PRKAR1B: variants seen among roughly 807,000 people sequenced by gnomAD.
PRKAR1B encodes protein kinase cAMP-dependent type I regulatory subunit beta, also known as cAMP-dependent protein kinase type I-beta regulatory subunit.
A neutral mutation model predicts 46.5 loss-of-function variants in PRKAR1B; 22 were observed. That is an observed-to-expected ratio of 0.47 (90% CI 0.34 to 0.68). PRKAR1B has a LOEUF of 0.68. PRKAR1B is among the 30% of genes least tolerant of loss of function. The pLI, the probability that PRKAR1B is intolerant of heterozygous loss-of-function variation, is 0.01. For missense variants in PRKAR1B, 445 were observed against 535.6 expected (o/e 0.83, Z 1.67); for synonymous variants, 259 against 217.7 (o/e 1.19, Z -1.67).
chr7:646,581 G>C (rs914855034), intron 4 of PRKAR1B, among the ~76,000 whole-genome samples: 1 of 152,190 alleles, frequency 6.6e-6, no homozygotes, highest in Non-Finnish European at 1.5e-5. Context: ...ATGGGGCTGC[G>C]TGCAGAATCA....
intron 4 of PRKAR1B, among the ~76,000 whole-genome samples, chr7:669,584 T>C (rs138254387): frequency 0.066 from 10,052 of 151,834 alleles, 1,112 homozygotes; most frequent in African/African-American, 0.23. Context: ...GCCAACATGC[T>C]GAAACCCCAT....
chr7:660,779 GT>G (rs1170685156), intron 4 of PRKAR1B, among the ~76,000 whole-genome samples: 8 of 96,008 alleles, frequency 8.3e-5, no homozygotes, highest in African/African-American at 3.6e-4. Context: ...CATAGCACAG[GT>G]CCCCACCCCA....
intron 9 of PRKAR1B, among the ~76,000 whole-genome samples, chr7:562,485 C>A (rs2128426711): frequency 6.6e-6 from 1 of 152,338 alleles, no homozygotes; most frequent in East Asian, 1.9e-4. Flanking sequence ...ACCTCCCAAC[C>A]AGGGGTCACC....
In PRKAR1B at chr7:586,565, TC is replaced by T. The variant is rs559621840; in HGVS notation, c.709-1998del. 9.4e-4 allele frequency among the ~76,000 whole-genome samples: 143 copies of T among 151,862 alleles called. 1 individual carries two copies. The highest frequency in any genetic ancestry group is 4.5e-3 in the Admixed American group (68 of 15,240). On this transcript the variant is annotated intron_variant, in intron 7 of 10. Transcript: ENST00000537384. ...TCCTCTGCCCCATAAGACCTTCTGA[TC>T]CCCCCAGCCCGAGGAGGGTTCCAGG...
chr7:639,553 G>A (rs1784283579), intron 4 of PRKAR1B, among the ~76,000 whole-genome samples: 2 of 152,128 alleles, frequency 1.3e-5, no homozygotes, highest in African/African-American at 4.8e-5. Flanking sequence ...AAGCATAATT[G>A]AAAAAAGATA....
chr7:599,092 C>T (rs1345858666), intron 6 of PRKAR1B, among the ~76,000 whole-genome samples: 2 of 152,186 alleles, frequency 1.3e-5, no homozygotes, highest in Admixed American at 6.5e-5. Context: ...CCCAAGGCCT[C>T]CGAGAGCTCC....
At chr7:669,338 G>T (rs949519768) in intron 4 of PRKAR1B, among the ~76,000 whole-genome samples, 1 of 152,214 alleles carries the variant, frequency 6.6e-6, no homozygotes, top group African/African-American at 2.4e-5. Flanking sequence ...GGCCCAGGAG[G>T]GGGTGATAGG....
Position 584,588 on chromosome 7 carries a change from A to G in PRKAR1B, c.709-20T>C. On this transcript the variant is annotated intron_variant, in intron 7 of 10. Coordinates refer to ENST00000537384, the MANE Select transcript of PRKAR1B (RefSeq NM_001164760.2). ...GCTGCCCTGTTCGGGAGAAAGTAAA[A>G]AACAGACAAGAAGGTGAATCTTCAT... The G allele has an allele frequency of 1.2e-6, 2 of 1,605,412 alleles. No homozygotes were observed. The highest frequency in any genetic ancestry group is 8.5e-7 in the Non-Finnish European group (1 of 1,173,384).
chr7:662,239 C>T (rs1175723437), intron 4 of PRKAR1B, among the ~76,000 whole-genome samples: 3 of 94,264 alleles, frequency 3.2e-5, no homozygotes, highest in African/African-American at 4.4e-5. Flanking sequence ...TACCTACTCT[C>T]CCCCACATGG....
chr7:685,367 CATATATATAT>C (rs10586227), intron 2 of PRKAR1B, among the ~76,000 whole-genome samples: 1 of 30,242 alleles, frequency 3.3e-5, no homozygotes, highest in Non-Finnish European at 5.8e-5. Context: ...TATATATACA[CATATATATAT>C]ATACATACAT....
chr7:579,459 C>T (rs2128442761), intron 8 of PRKAR1B, 82 bp from the exon 9 acceptor site: 2 of 1,562,572 alleles, frequency 1.3e-6, no homozygotes, highest in Non-Finnish European at 1.7e-6. Flanking sequence ...ACCGCTCTTC[C>T]CGAAAGGTGT....
intron 7 of PRKAR1B, among the ~76,000 whole-genome samples, chr7:585,018 C>T (rs1780517592): frequency 6.6e-6 from 1 of 152,152 alleles, no homozygotes; most frequent in East Asian, 1.9e-4. Flanking sequence ...CTGGATCCAG[C>T]CGTGCCTGAA....
chr7:606,318 C>G (rs1349701058), intron 5 of PRKAR1B, 79 bp from the exon 6 acceptor site: 6 of 1,384,658 alleles, frequency 4.3e-6, no homozygotes, highest in South Asian at 2.4e-5. Context: ...AAACGACTTT[C>G]GCAACACTGT....
At chr7:591,790 C>T (rs1368625465) in intron 7 of PRKAR1B, among the ~76,000 whole-genome samples, 2 of 152,204 alleles carry the variant, frequency 1.3e-5, no homozygotes, top group African/African-American at 4.8e-5. Flanking sequence ...CTGACCCTCC[C>T]CACAATGGCC....
chr7:553,319 G>A lies in PRKAR1B; in HGVS notation c.892-1849C>T, dbSNP rs541532635. On this transcript the variant is annotated intron_variant, in intron 9 of 10. Coordinates refer to ENST00000537384, the MANE Select transcript of PRKAR1B (RefSeq NM_001164760.2). ...TGTAGCTCTGTCGCCGGCCCTGCACGCCGCCGGCCTCAGACACTCCCCGAA... is the reference window on the plus strand; with the variant it reads ...TGTAGCTCTGTCGCCGGCCCTGCACACCGCCGGCCTCAGACACTCCCCGAA... Among the ~76,000 whole-genome samples the A allele has an allele frequency of 2.5e-3, 386 of 152,294 alleles. 2 individuals carry two copies. The highest frequency in any genetic ancestry group is 8.8e-3 in the African/African-American group (364 of 41,570).
chr7:592,908 C>T (rs771318264), intron 7 of PRKAR1B, among the ~76,000 whole-genome samples: 19 of 152,138 alleles, frequency 1.2e-4, no homozygotes, highest in Non-Finnish European at 2.5e-4. Flanking sequence ...CGGTAGCACA[C>T]GCCTGTAGTC....
intron 8 of PRKAR1B, among the ~76,000 whole-genome samples, chr7:580,126 G>A (rs1449108957): frequency 1.3e-5 from 2 of 151,632 alleles, no homozygotes; most frequent in Admixed American, 1.3e-4. Flanking sequence ...AGCTCCTCAG[G>A]AGGATGAGGC....
chr7:595,484 G>A (rs1251904011), intron 7 of PRKAR1B, among the ~76,000 whole-genome samples: 1 of 152,194 alleles, frequency 6.6e-6, no homozygotes, highest in Non-Finnish European at 1.5e-5. Flanking sequence ...CCAGAACAGG[G>A]CCTGGCAGGT....
At chr7:652,579 C>G (rs1784969862) in intron 4 of PRKAR1B, among the ~76,000 whole-genome samples, 1 of 152,248 alleles carries the variant, frequency 6.6e-6, no homozygotes, top group Non-Finnish European at 1.5e-5. Flanking sequence ...GGGGAAACCC[C>G]TCTTGGAAGA....
Sources: gnomAD v4.1 joint callset for allele counts (sites outside exome capture counted in the v4.1 genomes callset) on GRCh38, gnomAD v4.1.1 for gene constraint, MANE v1.5 for transcripts, NCBI Gene and HGNC (gene_info 2026-07-23, HGNC 2026-07-21) for gene names.